The following MRPS28 variants were observed in gnomAD, a reference collection of about 807,000 sequenced individuals.
MRPS28 encodes the protein small ribosomal subunit protein bS1m.
In MRPS28, 7 loss-of-function variants were observed where a neutral mutation model predicts 10.8. The ratio of observed to expected loss-of-function variants is 0.65; its 90% confidence interval spans 0.37 to 1.22. The LOEUF is 1.22. Among genes scored for constraint, MRPS28 ranks in the 50% most tolerant of loss-of-function variants. MRPS28 has a pLI of 0.02. For synonymous variants in MRPS28, 121 were observed against 93.3 expected (o/e 1.30, Z -1.71); for missense variants, 265 against 232.9 (o/e 1.14, Z -0.90).
At chr8:79,971,032 G>A (rs1472015180) in intron 2 of MRPS28, among the ~76,000 whole-genome samples, 1 of 152,208 alleles carries the variant, frequency 6.6e-6, no homozygotes, top group Non-Finnish European at 1.5e-5. Flanking sequence ...GAAGCCACGA[G>A]AAGGGAGAGG....
intron 2 of MRPS28, among the ~76,000 whole-genome samples, chr8:79,943,557 ACT>A (rs1433458565): frequency 2.0e-5 from 3 of 152,208 alleles, no homozygotes; most frequent in African/African-American, 7.2e-5. Context: ...TAACATGAGC[ACT>A]GTTATAATGT....
intron 2 of MRPS28, among the ~76,000 whole-genome samples, chr8:79,986,146 C>A (rs920600844): frequency 2.0e-5 from 3 of 152,078 alleles, no homozygotes; most frequent in Non-Finnish European, 4.4e-5. Context: ...AAATGTAATC[C>A]AGCATATAAA....
chr8:80,028,277 T>C (rs988237841), intron 1 of MRPS28, among the ~76,000 whole-genome samples: 2 of 152,000 alleles, frequency 1.3e-5, no homozygotes, highest in Non-Finnish European at 2.9e-5. Context: ...AGGTAAGAAA[T>C]AGAAAAACTC....
chr8:79,939,826 C>CG (rs1806714451), intron 2 of MRPS28, among the ~76,000 whole-genome samples: 1 of 151,730 alleles, frequency 6.6e-6, no homozygotes, highest in African/African-American at 2.4e-5. Flanking sequence ...AAAAATTAGC[C>CG]GGGCATGGTG....
rs543563730 is a variant in MRPS28, at chr8:79,943,226, C to T, written c.396-24078G>A. 2.0e-5 allele frequency among the ~76,000 whole-genome samples: 3 copies of T among 152,310 alleles called. No individual in the cohort carries two copies. The South Asian group carries it at 6.2e-4, about 32-fold the overall frequency. Reference sequence around the variant, plus strand: ...AAGAGTGCTAAAAGCCTAGAAAAATCTTTAGTACTGGCAATGACTATGAAG... The same window carrying T: ...AAGAGTGCTAAAAGCCTAGAAAAATTTTTAGTACTGGCAATGACTATGAAG... On this transcript the variant is annotated intron_variant, in intron 2 of 2. Transcript: ENST00000276585.
intron 2 of MRPS28, among the ~76,000 whole-genome samples, chr8:79,980,008 A>G (rs536072066): frequency 6.6e-6 from 1 of 151,798 alleles, no homozygotes; most frequent in African/African-American, 2.4e-5. Context: ...ACAAGTCTAA[A>G]TGATTTGGAA....
intron 2 of MRPS28, among the ~76,000 whole-genome samples, chr8:79,938,639 G>A (rs1586046152): frequency 6.6e-6 from 1 of 152,106 alleles, no homozygotes; most frequent in East Asian, 1.9e-4. Context: ...TCCCCTCAAA[G>A]ACACTGGCAA....
intron 2 of MRPS28, among the ~76,000 whole-genome samples, chr8:79,966,733 C>T (rs1399854801): frequency 2.0e-5 from 3 of 152,070 alleles, no homozygotes; most frequent in African/African-American, 7.2e-5. Context: ...TGTAGTTCGT[C>T]TGGCTTTAGT....
At chr8:79,951,478 G>A (rs536805093) in intron 2 of MRPS28, among the ~76,000 whole-genome samples, 1 of 152,316 alleles carries the variant, frequency 6.6e-6, no homozygotes, top group East Asian at 1.9e-4. Flanking sequence ...TGTGGGTTGA[G>A]ATGGTGGGCC....
intron 2 of MRPS28, among the ~76,000 whole-genome samples, chr8:79,995,290 T>A (rs937913957): frequency 1.3e-5 from 2 of 152,176 alleles, no homozygotes; most frequent in Non-Finnish European, 2.9e-5. Flanking sequence ...AAGCAGCTTA[T>A]TTCTTGAGAT....
chr8:80,023,859 A>G lies in MRPS28; in HGVS notation c.213+6177T>C, dbSNP rs189325052. 2.6e-5 allele frequency among the ~76,000 whole-genome samples: 4 copies of G among 152,282 alleles called. No individual in the cohort carries two copies. In the East Asian group the frequency reaches 7.8e-4, roughly 30 times the overall value. On this transcript the variant is annotated intron_variant, in intron 1 of 2. Coordinates refer to ENST00000276585, the MANE Select transcript of MRPS28 (RefSeq NM_014018.3). Reference sequence around the variant, plus strand: ...GCCTTAACAGATTCTACAAATTTATATTGTCTAAGTGACATAAGAAGGATT... The same window carrying G: ...GCCTTAACAGATTCTACAAATTTATGTTGTCTAAGTGACATAAGAAGGATT...
At chr8:80,001,179 A>C (rs1808651893) in intron 2 of MRPS28, among the ~76,000 whole-genome samples, 1 of 152,220 alleles carries the variant, frequency 6.6e-6, no homozygotes, top group Non-Finnish European at 1.5e-5. Context: ...AGCTTGTAAG[A>C]ATAAGACAGG....
intron 2 of MRPS28, among the ~76,000 whole-genome samples, chr8:79,998,234 A>G (rs976373198): frequency 2.0e-5 from 3 of 152,214 alleles, no homozygotes; most frequent in African/African-American, 7.2e-5. Flanking sequence ...GATGATGTCA[A>G]TTGATTTGAC....
At chr8:80,019,609 C>T (rs535201647) in intron 1 of MRPS28, among the ~76,000 whole-genome samples, 1 of 151,958 alleles carries the variant, frequency 6.6e-6, no homozygotes, top group African/African-American at 2.4e-5. Flanking sequence ...TGCTTTTCAA[C>T]ATTGTACTAG....
At chr8:80,027,124 G>T (rs1417313553) in intron 1 of MRPS28, among the ~76,000 whole-genome samples, 1 of 152,148 alleles carries the variant, frequency 6.6e-6, no homozygotes, top group Non-Finnish European at 1.5e-5. Context: ...GGACTTCAAA[G>T]AACTGTGTAA....
chr8:80,027,532 C>T (rs1809522641), intron 1 of MRPS28, among the ~76,000 whole-genome samples: 2 of 152,172 alleles, frequency 1.3e-5, no homozygotes, highest in African/African-American at 4.8e-5. Flanking sequence ...TTAGAAGATT[C>T]TCAAGGAGAG....
chr8:80,016,641 T>C (rs1809203664), intron 1 of MRPS28, among the ~76,000 whole-genome samples: 1 of 152,120 alleles, frequency 6.6e-6, no homozygotes, highest in African/African-American at 2.4e-5. Flanking sequence ...AGAAGGAATA[T>C]GTGAAGGTAA....
intron 2 of MRPS28, among the ~76,000 whole-genome samples, chr8:79,966,522 A>G (rs1397283464): frequency 6.6e-6 from 1 of 152,102 alleles, no homozygotes; most frequent in African/African-American, 2.4e-5. Flanking sequence ...CAATTATGCT[A>G]GAAATCAATA....
intron 2 of MRPS28, among the ~76,000 whole-genome samples, chr8:79,997,219 T>C (rs982971686): frequency 6.6e-6 from 1 of 152,194 alleles, no homozygotes; most frequent in Non-Finnish European, 1.5e-5. Context: ...TATTTTTAAA[T>C]TACCATACAA....
Sources: gnomAD v4.1 joint callset for allele counts (sites outside exome capture counted in the v4.1 genomes callset) on GRCh38, gnomAD v4.1.1 for gene constraint, MANE v1.5 for transcripts, NCBI Gene and HGNC (gene_info 2026-07-23, HGNC 2026-07-21) for gene names.